Variants in HOOK3 observed in about 807,000 individuals in gnomAD.
The protein encoded by HOOK3 is protein Hook homolog 3.
A neutral mutation model predicts 116.3 loss-of-function variants in HOOK3; 24 were observed. That is an observed-to-expected ratio of 0.21 (90% confidence interval 0.15 to 0.29). HOOK3 has a LOEUF of 0.29. Among genes scored for constraint, HOOK3 ranks in the 10% least tolerant of loss-of-function variants. The pLI is 1.00. For missense variants in HOOK3, 632 were observed against 830.2 expected (o/e 0.76, Z 2.93); for synonymous variants, 275 against 283.0 (o/e 0.97, Z 0.28).
chr8:43,008,355 C>T (rs1809534343), intron 18 of HOOK3, among the ~76,000 whole-genome samples: 2 of 151,968 alleles, frequency 1.3e-5, no homozygotes, highest in South Asian at 4.1e-4. Context: ...GGCTGTGTTG[C>T]CCAGACTGGA....
chr8:43,002,824 C>T (rs35491765), intron 17 of HOOK3, among the ~76,000 whole-genome samples: 7,149 of 152,262 alleles, frequency 0.047, 224 homozygotes, highest in South Asian at 0.074. Context: ...ATTACAAGTA[C>T]ATGCCAGCAC....
intron 15 of HOOK3, among the ~76,000 whole-genome samples, chr8:42,992,401 A>C: frequency 7.2e-6 from 1 of 139,286 alleles, no homozygotes; most frequent in Non-Finnish European, 1.6e-5. Flanking sequence ...CTCTGTCTCA[A>C]AAAAAAAAAA....
chr8:42,902,695 C>G (rs936515134), intron 1 of HOOK3, among the ~76,000 whole-genome samples: 5 of 152,138 alleles, frequency 3.3e-5, no homozygotes, highest in African/African-American at 1.2e-4. Flanking sequence ...AGCAACACAC[C>G]CTTCTATAGG....
chr8:42,917,831 T>C (rs1444380990), intron 2 of HOOK3, among the ~76,000 whole-genome samples: 3 of 152,262 alleles, frequency 2.0e-5, no homozygotes, highest in South Asian at 2.1e-4. Flanking sequence ...ATTATGTACC[T>C]GTATTGTTTA....
At chr8:42,919,242 C>CA in intron 2 of HOOK3, among the ~76,000 whole-genome samples, 1 of 148,946 alleles carries the variant, frequency 6.7e-6, no homozygotes, top group African/African-American at 2.5e-5. Context: ...GGCTTCCGGG[C>CA]AGAGGGGCTC....
intron 2 of HOOK3, among the ~76,000 whole-genome samples, chr8:42,919,947 G>C (rs1382774358): frequency 6.6e-6 from 1 of 150,884 alleles, no homozygotes; most frequent in Non-Finnish European, 1.5e-5. Flanking sequence ...AGGGGAGAGG[G>C]AGAGGGTTTT....
At chr8:43,009,180 G>A (rs150639757) in intron 18 of HOOK3, among the ~76,000 whole-genome samples, 2,503 of 152,000 alleles carry the variant, frequency 0.016, 32 homozygotes, top group Non-Finnish European at 0.022. Flanking sequence ...CGAGGTGGGT[G>A]GATTGCCTGA....
At chr8:42,901,895 A>T (rs1354019854) in intron 1 of HOOK3, among the ~76,000 whole-genome samples, 2 of 152,096 alleles carry the variant, frequency 1.3e-5, no homozygotes, top group African/African-American at 4.8e-5. Context: ...TTTTTAGTAG[A>T]GACGGGGTTT....
At chr8:42,950,776 C>T (rs1463645748) in intron 6 of HOOK3, among the ~76,000 whole-genome samples, 3 of 152,014 alleles carry the variant, frequency 2.0e-5, no homozygotes, top group Non-Finnish European at 4.4e-5. Flanking sequence ...ACTTCCACCT[C>T]CTGGGTTCAA....
At chr8:43,002,043 TAAAAG>T (rs1809391143) in intron 16 of HOOK3, 59 bp from the exon 17 acceptor site, 8 of 1,122,086 alleles carry the variant, frequency 7.1e-6, no homozygotes, top group African/African-American at 1.6e-5. Flanking sequence ...ACTTTTAACT[TAAAAG>T]AAAATACTAT....
chr8:42,959,810 ATTTGTCTGGAATTTACT>A (rs532139964), intron 8 of HOOK3, among the ~76,000 whole-genome samples: 176 of 151,742 alleles, frequency 1.2e-3, no homozygotes, highest in African/African-American at 4.2e-3. Flanking sequence ...AAATAAGATT[ATTTGTCTGGAATTTACT>A]TTGACTAAAG....
At chr8:42,955,347 A>G (rs1280643159) in intron 6 of HOOK3, among the ~76,000 whole-genome samples, 1 of 152,174 alleles carries the variant, frequency 6.6e-6, no homozygotes, top group Non-Finnish European at 1.5e-5. Context: ...CCTGAGTCCT[A>G]CAACTAGTTC....
intron 4 of HOOK3, among the ~76,000 whole-genome samples, chr8:42,937,352 ATTTT>A (rs35303192): frequency 1.6e-3 from 179 of 113,900 alleles, no homozygotes; most frequent in African/African-American, 5.6e-3. Context: ...GGATTCATTG[ATTTT>A]TTTTTTTTTT....
chr8:42,971,840 C>T (rs1297429746), intron 11 of HOOK3, among the ~76,000 whole-genome samples: 2 of 152,018 alleles, frequency 1.3e-5, no homozygotes. Flanking sequence ...ACCACCAAGC[C>T]CGGCTAAATT....
At chr8:42,964,581 C>A in intron 9 of HOOK3, 107 bp downstream of exon 9, 1 of 972,004 alleles carries the variant, frequency 1.0e-6, no homozygotes, top group East Asian at 2.6e-5. Context: ...AATCCCAGCA[C>A]TTTGGGAGGC....
At chr8:42,977,549 T>C (rs940817905) in intron 13 of HOOK3, among the ~76,000 whole-genome samples, 1 of 152,150 alleles carries the variant, frequency 6.6e-6, no homozygotes, top group East Asian at 1.9e-4. Flanking sequence ...GTTAACTTTA[T>C]CGTATGCTTT....
intron 13 of HOOK3, among the ~76,000 whole-genome samples, chr8:42,981,107 A>G (rs1290524211): frequency 6.7e-6 from 1 of 148,628 alleles, no homozygotes; most frequent in East Asian, 2.0e-4. Context: ...GCTGGAGTGC[A>G]GTGGCACGAT....
intron 3 of HOOK3, among the ~76,000 whole-genome samples, chr8:42,927,230 C>T (rs956810757): frequency 1.3e-5 from 2 of 148,416 alleles, no homozygotes; most frequent in Non-Finnish European, 3.0e-5. Flanking sequence ...GAATGAAAAC[C>T]GTTTAATGGC....
rs779084051 is a variant in HOOK3, at chr8:43,025,457, C to T, written c.*6959C>T. 3 of 213,768 alleles carry T rather than the reference C, an allele frequency of 1.4e-5. No individual in the cohort carries two copies. Among genetic ancestry groups the T allele is most frequent in the Non-Finnish European group, 2.8e-5 (3 of 105,818 alleles). The allele number at this position is 213,768 out of a possible 1,614,324, so 13.2% of individuals were successfully genotyped here. On this transcript the variant is annotated 3_prime_UTR_variant, in exon 22 of 22. Transcript: ENST00000307602. ...CTAATACAATGAAAACTTGCATTAT[C>T]TAAACAGATGTTCCCAAAGCAATAG...
Sources: gnomAD v4.1 joint callset for allele counts (sites outside exome capture counted in the v4.1 genomes callset) on GRCh38, gnomAD v4.1.1 for gene constraint, MANE v1.5 for transcripts, NCBI Gene and HGNC (gene_info 2026-07-23, HGNC 2026-07-21) for gene names.